Variants in MDN1 observed in about 807,000 individuals in gnomAD.
MDN1 encodes the protein midasin AAA ATPase 1.
In MDN1, 266 loss-of-function variants were observed where a neutral mutation model predicts 669.2. The ratio of observed to expected loss-of-function variants is 0.40; its 90% CI spans 0.36 to 0.44. MDN1 has a LOEUF of 0.44. Among genes scored for constraint, MDN1 ranks in the 20% least tolerant of loss-of-function variants. The pLI is 1.00. For synonymous variants in MDN1, 2,385 were observed against 2,457.1 expected (o/e 0.97, Z 0.87); for missense variants, 5,940 against 6,754.0 (o/e 0.88, Z 4.22).
At chr6:89,710,593 G>T in intron 50 of MDN1, 88 bp downstream of exon 50, 1 of 630,542 alleles carries the variant, frequency 1.6e-6, no homozygotes, top group Non-Finnish European at 2.6e-6. Flanking sequence ...GTTATGTTGA[G>T]ACCTCTAACA....
rs377100758 is a variant in MDN1, at chr6:89,718,393, T to A, written c.6556A>T (p.Asn2186Tyr). The A allele has an allele frequency of 1.2e-6, 2 of 1,614,038 alleles. No individual in the cohort carries two copies. The highest frequency in any genetic ancestry group is 1.7e-6 in the Non-Finnish European group (2 of 1,180,030). Reference protein sequence around the residue: ...AVLLLMQRLNNKINSYCKAEF... With the variant: ...AVLLLMQRLNYKINSYCKAEF... ...GCCTTGCAGTATGAGTTGATTTTAT[T>A]GTTGAGTCGCTGCATAAGCAATAAC... is the stretch of plus-strand genomic sequence containing the variant. Residue 2186 changes from asparagine to tyrosine, a missense_variant, in exon 43 of 102, where the codon AAT (asparagine) becomes TAT (tyrosine). Physicochemically the swap from Asn to Tyr is moderately radical, Grantham distance 143. This residue lies in a region of MDN1 where 2,292 missense variants were observed against 2,638.3 expected (regional missense o/e 0.87). Transcript: ENST00000369393.
rs1810728917 is a variant in MDN1, at chr6:89,671,202, G to T, written c.13795-122C>A. On this transcript the variant is annotated intron_variant, in intron 82 of 101. Transcript: ENST00000369393. ...GTGAATGTACTAAATAGTACTAATG[G>T]CAAGTTACATGTATGTGTTTGTAAC... 13 of 1,069,912 alleles carry T rather than the reference G, an allele frequency of 1.2e-5. No homozygotes were observed. In the South Asian group the frequency reaches 1.7e-4, roughly 14 times the overall value. 66.3% of individuals were successfully genotyped at this position (1,069,912 alleles called of 1,614,324 possible).
In MDN1 at chr6:89,695,916, G is replaced by A. The variant is rs768508806; in HGVS notation, c.9460C>T (p.Arg3154Trp). Residue 3154 changes from arginine (R) to tryptophan (W), a missense_variant, in exon 61 of 102, where the codon CGG (arginine) becomes TGG (tryptophan). Around this residue, in one of 5 missense-constraint regions of MDN1, gnomAD observed 2,292 missense variants for 2,638.3 expected, o/e 0.87. Transcript: ENST00000369393. This position sits in a 1 kb window ranked among gnomAD's most constrained non-coding sequence, Gnocchi z 4.1. ...CAGTTCTGCATGTACTCCTGCCGCC[G>A]GGACTCTGGGAGCAGCTCTGCTAGG... ...AGLAELLPES[R>W]RQEYMQNCEQ... The A allele has an allele frequency of 2.6e-5, 42 of 1,612,862 alleles. No homozygotes were observed. Among genetic ancestry groups the A allele is most frequent in the African/African-American group, 9.3e-5 (7 of 75,042 alleles).
intron 15 of MDN1, among the ~76,000 whole-genome samples, chr6:89,771,178 C>T (rs1445985849): frequency 1.3e-5 from 2 of 152,140 alleles, no homozygotes; most frequent in African/African-American, 4.8e-5. Flanking sequence ...AAACACAAGA[C>T]CAGAAGAATG....
chr6:89,760,946 G>A (rs934609588), intron 17 of MDN1, among the ~76,000 whole-genome samples: 6 of 152,104 alleles, frequency 3.9e-5, no homozygotes, highest in Admixed American at 3.9e-4. Flanking sequence ...AGATCACGAG[G>A]TCAGGAGATC....
chr6:89,669,889 T>A (rs1385102748), intron 83 of MDN1, among the ~76,000 whole-genome samples: 1 of 151,614 alleles, frequency 6.6e-6, no homozygotes, highest in Non-Finnish European at 1.5e-5. Context: ...CATGGCTGAA[T>A]GAACAAATGA....
In MDN1 at chr6:89,700,804, A is replaced by G; in HGVS notation, c.8480T>C (p.Leu2827Pro). Residue 2827 changes from leucine to proline, a missense_variant, in exon 56 of 102, where the codon CTT becomes CCT. Physicochemically the swap from Leu to Pro is moderately conservative, Grantham distance 98 (BLOSUM62 -3). This residue lies in a region of MDN1 where 2,292 missense variants were observed against 2,638.3 expected (regional missense o/e 0.87). Transcript: ENST00000369393. Reference sequence around the variant, plus strand: ...GGCAGACATCTGCTCCCTGATGGCAAGGACTTTGTTAAGGACCTTCAGTTG... The same window carrying G: ...GGCAGACATCTGCTCCCTGATGGCAGGGACTTTGTTAAGGACCTTCAGTTG... ...FSQLKVLNKV[L>P]AIREQMSALG... 1 of 1,614,226 alleles carries G rather than the reference A, an allele frequency of 6.2e-7. No homozygotes were observed. The highest frequency in any genetic ancestry group is 8.5e-7 in the Non-Finnish European group (1 of 1,180,036).
At position 89,776,683 on chromosome 6, in the gene MDN1, AAC is replaced by A; in HGVS notation, c.1736_1737del (p.Cys579PhefsTer7). 6.2e-7 allele frequency: 1 copy of A among 1,610,528 alleles called. No individual in the cohort carries two copies. The highest frequency in any genetic ancestry group is 1.3e-5 in the African/African-American group (1 of 74,918). On this transcript the variant is annotated frameshift_variant, in exon 12 of 102. Coordinates refer to ENST00000369393, the MANE Select transcript of MDN1 (RefSeq NM_014611.3). LOFTEE classifies it high-confidence loss of function. ...GTATGCTCAGAAAGCATTGCTGTGA[AAC>A]AGTCTAGAGCCTATTAAAATAACCA... Reference protein sequence around the residue: ...SLNIFQEALDCFTAMLSEHTS... With the variant: ...SLNIFQEALDXFTAMLSEHTS...
chr6:89,685,758 T>C lies in MDN1; in HGVS notation c.11719+69A>G, dbSNP rs1811961198. The C allele has an allele frequency of 6.5e-6, 10 of 1,546,476 alleles. No individual in the cohort carries two copies. The Admixed American group carries it at 1.1e-4, about 17-fold the overall frequency. ...AGCGTGCAACAAGGCACCTGTCTCA[T>C]GCAGAGAATTCAAAGCCTAACTCAT... On this transcript the variant is annotated intron_variant, in intron 70 of 101. Coordinates refer to ENST00000369393, the MANE Select transcript of MDN1 (RefSeq NM_014611.3).
At chr6:89,706,336 C>CT in intron 52 of MDN1, 144 bp from the exon 53 acceptor site, 4 of 729,248 alleles carry the variant, frequency 5.5e-6, no homozygotes, top group Non-Finnish European at 8.4e-6. Flanking sequence ...AAAGCAAATT[C>CT]TTTGCCTACT....
intron 20 of MDN1, 126 bp downstream of exon 20, chr6:89,756,148 AAAT>A (rs1817232200): frequency 2.0e-6 from 1 of 506,168 alleles, no homozygotes; most frequent in Admixed American, 3.8e-5. Context: ...AAGAGAATCT[AAAT>A]AATAATCCTG....
rs780588284 is a variant in MDN1, at chr6:89,654,258, G to A, written c.15567C>T (p.Thr5189=). 86 of 1,614,164 alleles carry A rather than the reference G, an allele frequency of 5.3e-5. No homozygotes were observed. The East Asian group carries it at 1.9e-3, about 36-fold the overall frequency. ...CCTCCTGCTCCTCTGTGTCCATAAG[G>A]GTGTCCTCTATCTCCTCCTCTTCCT... ...KDQEEEEIED[T]LMDTEEQEEF... is the part of the protein sequence containing the mutation. The change falls in exon 93 of 102, where the codon ACC becomes ACT. Residue 5189 remains threonine, a synonymous_variant. Transcript: ENST00000369393.
chr6:89,766,775 T>C (rs1817820017), intron 15 of MDN1, among the ~76,000 whole-genome samples: 1 of 152,264 alleles, frequency 6.6e-6, no homozygotes, highest in Non-Finnish European at 1.5e-5. Context: ...CTTCATGTCA[T>C]GGACAGGGTT....
chr6:89,773,684 G>A (rs1469931721), intron 13 of MDN1, among the ~76,000 whole-genome samples: 1 of 152,128 alleles, frequency 6.6e-6, no homozygotes, highest in East Asian at 1.9e-4. Flanking sequence ...CCAGGAAGAG[G>A]CCAGGCACCG....
chr6:89,747,702 T>C lies in MDN1; in HGVS notation c.3763-232A>G, dbSNP rs181001770. 1.5e-3 allele frequency among the ~76,000 whole-genome samples: 217 copies of C among 143,542 alleles called. 2 individuals carry two copies. The highest frequency in any genetic ancestry group is 4.9e-3 in the African/African-American group (189 of 38,714). The allele number at this position is 143,542 out of a possible 152,430, so 94.2% of individuals were successfully genotyped here. On this transcript the variant is annotated intron_variant, in intron 26 of 101. Coordinates refer to ENST00000369393, the MANE Select transcript of MDN1 (RefSeq NM_014611.3). ...GTCAGGAAATCGAGACCATCCTGGC[T>C]AACATGGTGAAACCCCGTCTCTACT...
intron 1 of MDN1, among the ~76,000 whole-genome samples, chr6:89,819,019 G>C (rs2128333996): frequency 6.6e-6 from 1 of 152,284 alleles, no homozygotes; most frequent in East Asian, 1.9e-4. Flanking sequence ...CCTCATGGCA[G>C]AGATCGTAAC....
chr6:89,664,079 T>C (rs1810011875), intron 85 of MDN1, among the ~76,000 whole-genome samples: 1 of 152,110 alleles, frequency 6.6e-6, no homozygotes, highest in Non-Finnish European at 1.5e-5. Flanking sequence ...TGAGGGGGGA[T>C]CTATTTCTTT....
At chr6:89,721,893 AT>A (rs1388953707) in intron 40 of MDN1, among the ~76,000 whole-genome samples, 1 of 152,216 alleles carries the variant, frequency 6.6e-6, no homozygotes, top group Non-Finnish European at 1.5e-5. Flanking sequence ...ACATGTTCAC[AT>A]TTCAACAAGG....
chr6:89,761,537 C>T, intron 17 of MDN1, 108 bp downstream of exon 17: 1 of 668,254 alleles, frequency 1.5e-6, no homozygotes, highest in Non-Finnish European at 2.3e-6. Flanking sequence ...CAAAATCTTC[C>T]CCCAAAATCA....
Sources: allele counts gnomAD v4.1 joint callset (sites outside exome capture counted in the v4.1 genomes callset), GRCh38; gene constraint gnomAD v4.1.1; regional missense constraint gnomAD v4.1.1; non-coding constraint Gnocchi (gnomAD v3.1); transcripts MANE v1.5; gene names NCBI Gene and HGNC (gene_info 2026-07-23, HGNC 2026-07-21).